The following PROSER2 variants were observed in gnomAD, a reference collection of about 807,000 sequenced individuals.
PROSER2 encodes proline and serine-rich protein 2.
Under a neutral mutation model 14.6 loss-of-function variants are expected in PROSER2, and 18 were observed. The ratio of observed to expected loss-of-function variants is 1.23; its 90% CI spans 0.85 to 1.83. PROSER2 has a LOEUF of 1.83. PROSER2 is among the 40% of genes most tolerant of loss of function. The probability of loss-of-function intolerance (pLI) is 0.00; values close to 1 mark genes in which losing one functional copy is unlikely to be tolerated. For synonymous variants in PROSER2, 367 were observed against 286.4 expected (o/e 1.28, Z -2.84); for missense variants, 823 against 629.8 (o/e 1.31, Z -3.28).
rs527239971 is a variant in PROSER2, at chr10:11,823,671, C to G, written c.-82+201C>G. On this transcript the variant is annotated intron_variant, in intron 1 of 3. Coordinates refer to ENST00000277570, the MANE Select transcript of PROSER2 (RefSeq NM_153256.4). The surrounding 1 kb of genome is among the most constrained non-coding windows in gnomAD (Gnocchi z 6.2). ...AGGCCACCCGGTGCCCGACCCCCGA[C>G]CCCGGGGCGTCGCTGCCTCCTCGGG... is the stretch of plus-strand genomic sequence containing the variant. Among the ~76,000 whole-genome samples the G allele has an allele frequency of 5.9e-5, 9 of 152,210 alleles. No homozygotes were observed. The South Asian group carries it at 1.7e-3, about 28-fold the overall frequency.
chr10:11,867,977 T>G (rs1007823687), intron 3 of PROSER2, among the ~76,000 whole-genome samples: 1 of 152,210 alleles, frequency 6.6e-6, no homozygotes, highest in Non-Finnish European at 1.5e-5. Context: ...AAATAAAGTG[T>G]GTACACGTGT....
intron 1 of PROSER2, among the ~76,000 whole-genome samples, chr10:11,840,937 AAAAAAAAAAAAAAAAAAAATATAT>A (rs1361605818): frequency 2.9e-5 from 2 of 69,598 alleles, no homozygotes; most frequent in Non-Finnish European, 5.2e-5. Context: ...AAAAAAAAAA[AAAAAAAAAAAAAAAAAAAATATAT>A]ATATATATAT....
chr10:11,839,822 CAAA>C (rs1209509215), intron 1 of PROSER2, among the ~76,000 whole-genome samples: 6 of 60,916 alleles, frequency 9.8e-5, no homozygotes, highest in Non-Finnish European at 7.1e-5. Flanking sequence ...GAGATTGTCT[CAAA>C]AAAAAAAAAA....
In PROSER2 at chr10:11,870,318, T is replaced by C; in HGVS notation, c.1220T>C (p.Ile407Thr). ...RADSLPRPQG[I>T]TVQFAGRGSS... ...GACTCCCTGCCCCGGCCCCAGGGCA[T>C]CACCGTGCAGTTCGCGGGCCGCGGC... Residue 407 changes from isoleucine (I) to threonine (T), a missense_variant, in exon 4 of 4, where the codon ATC (isoleucine) becomes ACC (threonine). By Grantham distance (89) the Ile-to-Thr change is moderately conservative (BLOSUM62 -1). Coordinates refer to ENST00000277570, the MANE Select transcript of PROSER2 (RefSeq NM_153256.4). 1.3e-6 allele frequency: 2 copies of C among 1,501,182 alleles called. No homozygotes were observed. Among genetic ancestry groups the C allele is most frequent in the Non-Finnish European group, 1.8e-6 (2 of 1,130,062 alleles). 93.0% of individuals were successfully genotyped at this position (1,501,182 alleles called of 1,614,324 possible).
At chr10:11,864,799 G>T (rs1834312915) in intron 2 of PROSER2, among the ~76,000 whole-genome samples, 1 of 152,076 alleles carries the variant, frequency 6.6e-6, no homozygotes, top group Non-Finnish European at 1.5e-5. Flanking sequence ...ATGTTGGCCA[G>T]CCTGGGCTCG....
At chr10:11,850,291 TG>T (rs1833994116) in intron 1 of PROSER2, 1 of 152,330 alleles carries the variant, frequency 6.6e-6, no homozygotes, top group Non-Finnish European at 1.5e-5. Flanking sequence ...TGTCTAGGGA[TG>T]GGCGCTGATT....
Position 11,870,417 on chromosome 10 carries a change from G to C in PROSER2, c.*11G>C, listed in dbSNP as rs1265912477. Reference sequence around the variant, plus strand: ...AGGGAGAGTTCGTGAGGGCCGCGCGGGCTCCAGTCCACCCCGTTTCTCCCC... The same window carrying C: ...AGGGAGAGTTCGTGAGGGCCGCGCGCGCTCCAGTCCACCCCGTTTCTCCCC... On this transcript the variant is annotated 3_prime_UTR_variant, in exon 4 of 4. Coordinates refer to ENST00000277570, the MANE Select transcript of PROSER2 (RefSeq NM_153256.4). 1 of 1,476,314 alleles carries C rather than the reference G, an allele frequency of 6.8e-7. No homozygotes were observed. Among genetic ancestry groups the C allele is most frequent in the Non-Finnish European group, 9.0e-7 (1 of 1,116,896 alleles). 91.5% of individuals were successfully genotyped at this position (1,476,314 alleles called of 1,614,324 possible).
In PROSER2 at chr10:11,856,553, A is replaced by G. The variant is rs746052026; in HGVS notation, c.138+4338A>G. 6.6e-6 allele frequency among the ~76,000 whole-genome samples: 1 copy of G among 152,146 alleles called. No individual in the cohort carries two copies. Among genetic ancestry groups the G allele is most frequent in the Non-Finnish European group, 1.5e-5 (1 of 68,020 alleles). On this transcript the variant is annotated intron_variant, in intron 2 of 3. Coordinates refer to ENST00000277570, the MANE Select transcript of PROSER2 (RefSeq NM_153256.4). The surrounding 1 kb of genome is among the most constrained non-coding windows in gnomAD (Gnocchi z 5.3). ...TGGGGACATCCCAAGTCTACCTGTT[A>G]TTTGTTTTTACCTCTGGCTTGGGCA...
Position 11,869,751 on chromosome 10 carries a change from G to C in PROSER2, c.653G>C (p.Arg218Thr). 1 of 1,580,254 alleles carries C rather than the reference G, an allele frequency of 6.3e-7. No homozygotes were observed. The highest frequency in any genetic ancestry group is 8.6e-7 in the Non-Finnish European group (1 of 1,164,480). Residue 218 changes from arginine (R) to threonine (T), a missense_variant, in exon 4 of 4, where the codon AGG (arginine) becomes ACG (threonine). Transcript: ENST00000277570. The surrounding 1 kb of genome is among the most constrained non-coding windows in gnomAD (Gnocchi z 4.4). ...GCCCTCTCGCCCACCTCCCCGTTCAGGGAGGGCCGGCCCGGGGAGTGGAGG... is the reference window on the plus strand; with the variant it reads ...GCCCTCTCGCCCACCTCCCCGTTCACGGAGGGCCGGCCCGGGGAGTGGAGG... ...NEALSPTSPF[R>T]EGRPGEWRTP...
Position 11,865,941 on chromosome 10 carries a change from T to TG in PROSER2, c.139-587dup, listed in dbSNP as rs1834337141. ...GGGCAGTTCTTCGGGATGCAGCAGGTGGGTCACTGGCTTTCCTGGGCCTTC... is the reference window on the plus strand; with the variant it reads ...GGGCAGTTCTTCGGGATGCAGCAGGTGGGGTCACTGGCTTTCCTGGGCCTTC... On this transcript the variant is annotated intron_variant, in intron 2 of 3. Coordinates refer to ENST00000277570, the MANE Select transcript of PROSER2 (RefSeq NM_153256.4). This position sits in a 1 kb window ranked among gnomAD's most constrained non-coding sequence, Gnocchi z 4.2. 6.6e-6 allele frequency among the ~76,000 whole-genome samples: 1 copy of TG among 152,154 alleles called. No individual in the cohort carries two copies. Among genetic ancestry groups the TG allele is most frequent in the African/African-American group, 2.4e-5 (1 of 41,428 alleles).
rs1477448887 is a variant in PROSER2, at chr10:11,837,329, A to G, written c.-82+13859A>G. On this transcript the variant is annotated intron_variant, in intron 1 of 3. Transcript: ENST00000277570. This position sits in a 1 kb window ranked among gnomAD's most constrained non-coding sequence, Gnocchi z 4.6. ...TATATTAGTTTTGCTGTCACACTTC[A>G]TACGTTCAAGTTATGACCACTGTGT... Among the ~76,000 whole-genome samples, 1 of 152,256 alleles carries G rather than the reference A, an allele frequency of 6.6e-6. No individual in the cohort carries two copies. Among genetic ancestry groups the G allele is most frequent in the African/African-American group, 2.4e-5 (1 of 41,474 alleles).
chr10:11,831,438 C>T (rs1481563611), intron 1 of PROSER2, among the ~76,000 whole-genome samples: 3 of 152,182 alleles, frequency 2.0e-5, no homozygotes, highest in Non-Finnish European at 4.4e-5. Flanking sequence ...AAATAATTTG[C>T]TCAGGAATCC....
At chr10:11,864,627 C>T (rs1421783641) in intron 2 of PROSER2, among the ~76,000 whole-genome samples, 7 of 143,080 alleles carry the variant, frequency 4.9e-5, no homozygotes, top group Non-Finnish European at 3.0e-5. Context: ...CTTGCTCTGT[C>T]ACCCAGGCTG....
At chr10:11,864,161 T>C (rs747310471) in intron 2 of PROSER2, among the ~76,000 whole-genome samples, 3 of 152,216 alleles carry the variant, frequency 2.0e-5, no homozygotes, top group Non-Finnish European at 4.4e-5. Context: ...ACCTTTATTC[T>C]TCCGTAGTTC....
In PROSER2 at chr10:11,870,612, C is replaced by T. The variant is rs1804130639; in HGVS notation, c.*206C>T. 3 of 478,598 alleles carry T rather than the reference C, an allele frequency of 6.3e-6. No homozygotes were observed. Among genetic ancestry groups the T allele is most frequent in the Non-Finnish European group, 1.1e-5 (3 of 266,074 alleles). 29.6% of individuals were successfully genotyped at this position (478,598 alleles called of 1,614,324 possible). A position where few individuals can be genotyped will look rare whatever the true frequency, so the allele number is the denominator to read the frequency against. On this transcript the variant is annotated 3_prime_UTR_variant, in exon 4 of 4. Transcript: ENST00000277570. ...GCTCCAGCCACCGGCACAGAGAACT[C>T]TTCCCTAAAGGAATCTGGCCGAGGG...
chr10:11,846,692 G>A (rs973742969), intron 1 of PROSER2, among the ~76,000 whole-genome samples: 13 of 152,260 alleles, frequency 8.5e-5, no homozygotes, highest in South Asian at 8.3e-4. Context: ...TGAACAGGCC[G>A]GCCAGGCCAT....
chr10:11,827,663 G>C (rs533177282), intron 1 of PROSER2, among the ~76,000 whole-genome samples: 2 of 149,770 alleles, frequency 1.3e-5, no homozygotes, highest in African/African-American at 4.9e-5. Context: ...GGGTCATTGG[G>C]CATACAAACA....
chr10:11,842,991 A>G (rs1196415275), intron 1 of PROSER2, among the ~76,000 whole-genome samples: 2 of 111,426 alleles, frequency 1.8e-5, no homozygotes, highest in Non-Finnish European at 3.5e-5. Flanking sequence ...CCCAGGCTGG[A>G]GTGCTGTGGC....
rs1001427659 is a variant in PROSER2 at position 11,838,149 on chromosome 10, C to G, written c.-81-13848C>G. Reference sequence around the variant, plus strand: ...CTCAGGTGCCCTCCGGTGAGTGAGGCGGGCGGGTGTCTATTTTAGAACAAT... The same window carrying G: ...CTCAGGTGCCCTCCGGTGAGTGAGGGGGGCGGGTGTCTATTTTAGAACAAT... On this transcript the variant is annotated intron_variant, in intron 1 of 3. Coordinates refer to ENST00000277570, the MANE Select transcript of PROSER2 (RefSeq NM_153256.4). The surrounding 1 kb of genome is among the most constrained non-coding windows in gnomAD (Gnocchi z 4.4). Among the ~76,000 whole-genome samples the G allele has an allele frequency of 6.6e-6, 1 of 152,030 alleles. No individual in the cohort carries two copies. Among genetic ancestry groups the G allele is most frequent in the East Asian group, 1.9e-4 (1 of 5,188 alleles).
Sources: gnomAD v4.1 joint callset for allele counts (sites outside exome capture counted in the v4.1 genomes callset) on GRCh38, gnomAD v4.1.1 for gene constraint, Gnocchi (gnomAD v3.1) non-coding constraint, MANE v1.5 for transcripts, NCBI Gene and HGNC (gene_info 2026-07-23, HGNC 2026-07-21) for gene names.